The following CDH13 variants were observed in gnomAD, a reference collection of about 807,000 sequenced individuals.
The protein encoded by CDH13 is cadherin-13.
A neutral mutation model predicts 63.8 loss-of-function variants in CDH13; 24 were observed. The ratio of observed to expected loss-of-function variants is 0.38; its 90% CI spans 0.27 to 0.53. CDH13 has a LOEUF of 0.53. Among genes scored for constraint, CDH13 ranks in the 20% least tolerant of loss-of-function variants. The pLI is 0.85. For synonymous variants in CDH13, 503 were observed against 355.3 expected, an observed-to-expected ratio of 1.42 and a Z score of -4.67; for missense variants, 1,049 against 903.1, an observed-to-expected ratio of 1.16 and a Z score of -2.07.
chr16:83,171,138 T>C (rs995253647), intron 4 of CDH13, among the ~76,000 whole-genome samples: 1 of 152,112 alleles, frequency 6.6e-6, no homozygotes, highest in Non-Finnish European at 1.5e-5. Context: ...CTTCTGCCTC[T>C]GGGGAGGCCT....
intron 2 of CDH13, among the ~76,000 whole-genome samples, chr16:83,031,573 C>G (rs1425573301): frequency 6.6e-6 from 1 of 151,946 alleles, no homozygotes; most frequent in Non-Finnish European, 1.5e-5. Flanking sequence ...CTTCCACATT[C>G]TTAAGGGCCT....
intron 8 of CDH13, among the ~76,000 whole-genome samples, chr16:83,605,838 C>T (rs796921611): frequency 6.6e-5 from 10 of 152,340 alleles, no homozygotes; most frequent in African/African-American, 2.2e-4. Context: ...TATGAATCTG[C>T]TCAAGCACTT....
At chr16:82,674,808 G>C (rs905192173) in intron 1 of CDH13, among the ~76,000 whole-genome samples, 1 of 152,168 alleles carries the variant, frequency 6.6e-6, no homozygotes, top group Non-Finnish European at 1.5e-5. Flanking sequence ...ATGTGTTGGC[G>C]GGACGGGGGC....
In CDH13 at chr16:83,273,330, C is replaced by T. The variant is rs1439508109; in HGVS notation, c.636+55833C>T. ...GGTAGTTTTTTTCAATCCTCTCCCACCCCCAACCCTTCACCCTCAAGTAGG... is the reference window on the plus strand; with the variant it reads ...GGTAGTTTTTTTCAATCCTCTCCCATCCCCAACCCTTCACCCTCAAGTAGG... On this transcript the variant is annotated intron_variant, in intron 5 of 13. Transcript: ENST00000567109. Among the ~76,000 whole-genome samples, 3 of 151,978 alleles carry T rather than the reference C, an allele frequency of 2.0e-5. No individual in the cohort carries two copies. In the East Asian group the frequency reaches 5.8e-4, roughly 29 times the overall value.
chr16:82,944,415 G>A (rs1275667403), intron 2 of CDH13, among the ~76,000 whole-genome samples: 1 of 152,156 alleles, frequency 6.6e-6, no homozygotes, highest in South Asian at 2.1e-4. Context: ...CAGAGAAGTT[G>A]GTCAGGAAGG....
chr16:83,426,992 T>A (rs1287717195), intron 6 of CDH13, among the ~76,000 whole-genome samples: 2 of 139,958 alleles, frequency 1.4e-5, no homozygotes, highest in African/African-American at 5.5e-5. Flanking sequence ...AGTGGCGTGA[T>A]CTCGGCTCAC....
At chr16:83,683,917 C>A (rs1275759951) in intron 10 of CDH13, among the ~76,000 whole-genome samples, 2 of 152,214 alleles carry the variant, frequency 1.3e-5, no homozygotes, top group African/African-American at 4.8e-5. Context: ...TAAAACAGAT[C>A]AGGTTCCCAC....
rs142996091 is a variant in CDH13 at position 83,715,951 on chromosome 16, A to G, written c.1539-32157A>G. 4.6e-5 allele frequency among the ~76,000 whole-genome samples: 7 copies of G among 152,304 alleles called. No homozygotes were observed. In the East Asian group the frequency reaches 1.3e-3, roughly 29 times the overall value. ...TGCAGTAATTTTCTCTCCATATTTG[A>G]TGACTATTCTATCAGATATTGTTAA... On this transcript the variant is annotated intron_variant, in intron 10 of 13. Transcript: ENST00000567109.
At chr16:83,726,584 C>T (rs1174396525) in intron 10 of CDH13, among the ~76,000 whole-genome samples, 1 of 152,142 alleles carries the variant, frequency 6.6e-6, no homozygotes, top group East Asian at 1.9e-4. Flanking sequence ...GCCTGTAATC[C>T]CGGCCCTTTG....
intron 1 of CDH13, chr16:82,824,828 T>A (rs1028883395): frequency 7.2e-5 from 11 of 152,198 alleles, no homozygotes; most frequent in Admixed American, 6.5e-4. Context: ...TGCAAAAAAA[T>A]TTGTTAGAAT....
intron 10 of CDH13, among the ~76,000 whole-genome samples, chr16:83,708,327 T>G (rs543632103): frequency 1.6e-4 from 24 of 152,340 alleles, no homozygotes; most frequent in African/African-American, 5.8e-4. Context: ...TTTCATTTGC[T>G]TGGGTTCAAC....
chr16:83,172,356 T>C (rs2037956839), intron 4 of CDH13, among the ~76,000 whole-genome samples: 2 of 152,038 alleles, frequency 1.3e-5, no homozygotes, highest in Non-Finnish European at 2.9e-5. Context: ...CCAGGCGTAG[T>C]GGTGCATGCT....
chr16:82,730,908 T>A (rs926626414), intron 1 of CDH13, among the ~76,000 whole-genome samples: 25 of 152,210 alleles, frequency 1.6e-4, no homozygotes, highest in Admixed American at 6.5e-5. Context: ...AACTTATAAT[T>A]AAGTTATATT....
intron 2 of CDH13, among the ~76,000 whole-genome samples, chr16:82,941,460 G>C (rs1420399581): frequency 2.0e-5 from 3 of 152,146 alleles, no homozygotes; most frequent in South Asian, 4.1e-4. Flanking sequence ...TGCTTATTTC[G>C]TTGTTTTGCT....
At position 82,791,376 on chromosome 16, in the gene CDH13, T is replaced by G. The variant is rs1054498126; in HGVS notation, c.46-66986T>G. Among the ~76,000 whole-genome samples, 4 of 152,066 alleles carry G rather than the reference T, an allele frequency of 2.6e-5. No individual in the cohort carries two copies. In the East Asian group the frequency reaches 7.7e-4, roughly 29 times the overall value. On this transcript the variant is annotated intron_variant, in intron 1 of 13. Transcript: ENST00000567109. ...GGGTTCACTAAAATACAAATTAGGC[T>G]AAAGCAGGAGGTAAAGAAGTAGTCA...
chr16:83,189,622 C>T (rs2038634318), intron 4 of CDH13, among the ~76,000 whole-genome samples: 1 of 152,176 alleles, frequency 6.6e-6, no homozygotes, highest in Non-Finnish European at 1.5e-5. Context: ...CACACAGTTG[C>T]ACTTTGTACT....
At chr16:82,964,920 C>A (rs993374081) in intron 2 of CDH13, among the ~76,000 whole-genome samples, 2 of 152,160 alleles carry the variant, frequency 1.3e-5, no homozygotes, top group Admixed American at 6.5e-5. Flanking sequence ...GAATGGTTGG[C>A]AGGGGCCAGA....
chr16:82,651,756 A>G (rs750452427), intron 1 of CDH13, among the ~76,000 whole-genome samples: 5 of 152,238 alleles, frequency 3.3e-5, no homozygotes, highest in Non-Finnish European at 2.9e-5. Context: ...TTTCCCTGCT[A>G]TAAGCATTTC....
chr16:83,436,305 A>G (rs930484548), intron 6 of CDH13, among the ~76,000 whole-genome samples: 1 of 152,104 alleles, frequency 6.6e-6, no homozygotes, highest in Non-Finnish European at 1.5e-5. Flanking sequence ...AGCTTATAAT[A>G]ATGCTTATGT....
Sources: gnomAD v4.1 joint callset for allele counts (sites outside exome capture counted in the v4.1 genomes callset) on GRCh38, gnomAD v4.1.1 for gene constraint, MANE v1.5 for transcripts, NCBI Gene and HGNC (gene_info 2026-07-23, HGNC 2026-07-21) for gene names.